Variants in TMEM143 observed in about 807,000 individuals in gnomAD.
The protein encoded by TMEM143 is transmembrane protein 143.
A neutral mutation model predicts 40.3 loss-of-function variants in TMEM143; 45 were observed. The ratio of observed to expected loss-of-function variants is 1.12; its 90% CI spans 0.88 to 1.43. The LOEUF is 1.43. Ranked by LOEUF, TMEM143 falls within the 40% of genes most tolerant of loss-of-function variation. The probability of loss-of-function intolerance (pLI) is 0.00; values close to 1 mark genes in which losing one functional copy is unlikely to be tolerated. For missense variants in TMEM143, 620 were observed against 613.4 expected (o/e 1.01, Z -0.11); for synonymous variants, 299 against 282.7 (o/e 1.06, Z -0.58).
intron 3 of TMEM143, among the ~76,000 whole-genome samples, chr19:48,352,178 C>G (rs190302571): frequency 0.022 from 2,701 of 123,948 alleles, 88 homozygotes; most frequent in African/African-American, 0.076. Context: ...ACCCGGGAGG[C>G]GGAGCTTGCA....
At chr19:48,356,763 A>G (rs1168455289) in intron 3 of TMEM143, among the ~76,000 whole-genome samples, 1 of 150,730 alleles carries the variant, frequency 6.6e-6, no homozygotes, top group African/African-American at 2.4e-5. Flanking sequence ...ACACCCAGCT[A>G]ATTTTGTATT....
intron 2 of TMEM143, 55 bp from the exon 3 acceptor site, chr19:48,360,231 A>G (rs1869407667): frequency 1.3e-6 from 2 of 1,551,812 alleles, no homozygotes; most frequent in South Asian, 2.3e-5. Context: ...TCCCCGAGGG[A>G]AAGAATTCTT....
In TMEM143 at chr19:48,353,404, G is replaced by A. The variant is rs183997938; in HGVS notation, c.369+6668C>T. Among the ~76,000 whole-genome samples the A allele has an allele frequency of 9.9e-5, 15 of 151,490 alleles. No individual in the cohort carries two copies. The East Asian group carries it at 2.7e-3, about 27-fold the overall frequency. ...TCACCAGGTTGGCCAGGCTGGTCTCGAACTCCTGACCTCAAGCAATCCACC... is the reference window on the plus strand; with the variant it reads ...TCACCAGGTTGGCCAGGCTGGTCTCAAACTCCTGACCTCAAGCAATCCACC... On this transcript the variant is annotated intron_variant, in intron 3 of 7. Transcript: ENST00000293261.
chr19:48,362,332 GA>G (rs1281630123), intron 2 of TMEM143, among the ~76,000 whole-genome samples: 2 of 152,108 alleles, frequency 1.3e-5, no homozygotes, highest in Non-Finnish European at 2.9e-5. Flanking sequence ...TTGAGGCCAG[GA>G]GTTCGAGACC....
intron 4 of TMEM143, among the ~76,000 whole-genome samples, chr19:48,343,903 T>G (rs189406094): frequency 6.5e-4 from 99 of 152,352 alleles, no homozygotes; most frequent in Middle Eastern, 3.4e-3. Context: ...TATTTCTATT[T>G]TGAGATATTG....
intron 4 of TMEM143, among the ~76,000 whole-genome samples, chr19:48,344,113 C>G (rs756995739): frequency 2.6e-5 from 4 of 152,124 alleles, no homozygotes; most frequent in Non-Finnish European, 5.9e-5. Context: ...TCTCAAACTC[C>G]TGACCTCAAA....
intron 4 of TMEM143, among the ~76,000 whole-genome samples, chr19:48,344,541 G>A (rs275579): frequency 0.54 from 81,323 of 151,932 alleles, 22,948 homozygotes; most frequent in East Asian, 0.65. Flanking sequence ...CTCCTGCCTC[G>A]GCCTCCTGAA....
At chr19:48,346,599 A>G (rs1282307869) in intron 3 of TMEM143, among the ~76,000 whole-genome samples, 1 of 151,746 alleles carries the variant, frequency 6.6e-6, no homozygotes, top group Non-Finnish European at 1.5e-5. Flanking sequence ...TTTTTTTGAG[A>G]CAGAGTCTCA....
At chr19:48,340,699 C>T (rs565962881) in intron 6 of TMEM143, among the ~76,000 whole-genome samples, 1 of 152,218 alleles carries the variant, frequency 6.6e-6, no homozygotes, top group Admixed American at 6.5e-5. Context: ...GGCCTCCCTG[C>T]CTCTCATCTC....
At chr19:48,338,603 C>G (rs1041795837) in intron 6 of TMEM143, among the ~76,000 whole-genome samples, 1 of 152,234 alleles carries the variant, frequency 6.6e-6, no homozygotes, top group Admixed American at 6.5e-5. Flanking sequence ...CTCTCGCGGA[C>G]GAGCAGATGC....
At chr19:48,341,300 A>T (rs557467098) in intron 6 of TMEM143, among the ~76,000 whole-genome samples, 90 of 152,338 alleles carry the variant, frequency 5.9e-4, no homozygotes, top group African/African-American at 1.9e-3. Context: ...CCCCTGGGCC[A>T]CGAATCCTTG....
intron 6 of TMEM143, among the ~76,000 whole-genome samples, chr19:48,339,284 C>T (rs1418376457): frequency 6.6e-6 from 1 of 152,152 alleles, no homozygotes; most frequent in Non-Finnish European, 1.5e-5. Context: ...TCAGGGGAGA[C>T]GCTGTGCTTG....
intron 4 of TMEM143, among the ~76,000 whole-genome samples, chr19:48,343,934 G>A (rs1600905680): frequency 1.3e-5 from 2 of 151,736 alleles, no homozygotes; most frequent in Admixed American, 6.6e-5. Context: ...TCACCCAGGC[G>A]GGAGTGCAGT....
intron 3 of TMEM143, among the ~76,000 whole-genome samples, chr19:48,357,025 C>A (rs543043624): frequency 6.0e-4 from 90 of 151,044 alleles, no homozygotes; most frequent in Non-Finnish European, 1.2e-3. Flanking sequence ...CTGCCTCAGC[C>A]TCCTGAGTAG....
chr19:48,356,291 C>T (rs1459751251), intron 3 of TMEM143, among the ~76,000 whole-genome samples: 1 of 150,428 alleles, frequency 6.6e-6, no homozygotes, highest in African/African-American at 2.4e-5. Flanking sequence ...CTATGCCCAG[C>T]TAATTTTTGT....
chr19:48,339,770 C>T (rs779081736), intron 6 of TMEM143, among the ~76,000 whole-genome samples: 17 of 152,082 alleles, frequency 1.1e-4, no homozygotes, highest in Non-Finnish European at 1.9e-4. Context: ...GCTCTGTCAC[C>T]GAGGCTGGAA....
At position 48,342,658 on chromosome 19, in the gene TMEM143, G is replaced by A. The variant is rs148460393; in HGVS notation, c.847C>T (p.Leu283Phe). Reference sequence around the variant, plus strand: ...GCCACGCCGGAGACTACCAGCATGAGGTTGAGCAGGGCGCGCTGCAGGGTG... The same window carrying A: ...GCCACGCCGGAGACTACCAGCATGAAGTTGAGCAGGGCGCGCTGCAGGGTG... Reference protein sequence around the residue: ...TPTLQRALLNLMLVVSGVAIF... With the variant: ...TPTLQRALLNFMLVVSGVAIF... The change falls in exon 6 of 8, where the codon CTC becomes TTC. Residue 283 changes from leucine (L) to phenylalanine (F), a missense_variant. By Grantham distance (22) the Leu-to-Phe change is conservative (BLOSUM62 0). Coordinates refer to ENST00000293261, the MANE Select transcript of TMEM143 (RefSeq NM_018273.4). 3 of 1,614,012 alleles carry A rather than the reference G, an allele frequency of 1.9e-6. No homozygotes were observed. The highest frequency in any genetic ancestry group is 2.5e-6 in the Non-Finnish European group (3 of 1,180,028).
rs575107665 is a variant in TMEM143, at chr19:48,361,045, C to T, written c.265-869G>A. ...TCCAGCAATCCTCCCACCTCAGCCT[C>T]CCAAAGTGCTGGGAGGCTGAGCCAC... On this transcript the variant is annotated intron_variant, in intron 2 of 7. Transcript: ENST00000293261. Among the ~76,000 whole-genome samples the T allele has an allele frequency of 4.6e-5, 7 of 151,914 alleles. No individual in the cohort carries two copies. The East Asian group carries it at 9.7e-4, about 21-fold the overall frequency.
chr19:48,351,273 T>C (rs1334705105), intron 3 of TMEM143, among the ~76,000 whole-genome samples: 1 of 152,176 alleles, frequency 6.6e-6, no homozygotes, highest in Non-Finnish European at 1.5e-5. Context: ...GGGGTCATCC[T>C]GGAGTCTTCC....
Sources: allele counts gnomAD v4.1 joint callset (sites outside exome capture counted in the v4.1 genomes callset), GRCh38; gene constraint gnomAD v4.1.1; transcripts MANE v1.5; gene names NCBI Gene and HGNC (gene_info 2026-07-23, HGNC 2026-07-21).